Variants in LRRK1 observed in about 807,000 individuals in gnomAD.
LRRK1 encodes the protein leucine-rich repeat serine/threonine-protein kinase 1.
LRRK1 carries 113 observed loss-of-function variants against 209.1 expected under a neutral mutation model. That is an observed-to-expected ratio of 0.54 (90% CI 0.46 to 0.63). The LOEUF is 0.63. Ranked by LOEUF, LRRK1 falls within the 30% of genes least tolerant of loss-of-function variation. LRRK1 has a pLI of 0.00. For synonymous variants in LRRK1, 1,144 were observed against 1,099.7 expected (o/e 1.04, Z -0.80); for missense variants, 2,284 against 2,632.2 (o/e 0.87, Z 2.89).
chr15:101,022,641 C>T lies in LRRK1; in HGVS notation c.2067+44C>T, dbSNP rs1438909911. 2 of 1,378,562 alleles carry T rather than the reference C, an allele frequency of 1.5e-6. No individual in the cohort carries two copies. Among genetic ancestry groups the T allele is most frequent in the South Asian group, 1.2e-5 (1 of 80,974 alleles). 85.4% of individuals were successfully genotyped at this position (1,378,562 alleles called of 1,614,324 possible). A position where few individuals can be genotyped will look rare whatever the true frequency, so the allele number is the denominator to read the frequency against. ...GCAGAGTCCCTGTGGGTGGGAGGAACATCCCTTGGACTCCTTCTCCCTTCT... is the reference window on the plus strand; with the variant it reads ...GCAGAGTCCCTGTGGGTGGGAGGAATATCCCTTGGACTCCTTCTCCCTTCT... On this transcript the variant is annotated intron_variant, in intron 15 of 33. Coordinates refer to ENST00000388948, the MANE Select transcript of LRRK1 (RefSeq NM_024652.6). This position sits in a 1 kb window ranked among gnomAD's most constrained non-coding sequence, Gnocchi z 4.0.
At chr15:101,047,416 G>A (rs377252667) in intron 21 of LRRK1, among the ~76,000 whole-genome samples, 4 of 152,310 alleles carry the variant, frequency 2.6e-5, no homozygotes, top group African/African-American at 4.8e-5. Flanking sequence ...TCTGTGTGCC[G>A]CTGTCTTCTC....
Position 101,075,735 on chromosome 15 carries a change from A to G in LRRK1, c.*6887A>G, listed in dbSNP as rs1425797588. 1 of 151,736 alleles carries G rather than the reference A, an allele frequency of 6.6e-6. No individual in the cohort carries two copies. Among genetic ancestry groups the G allele is most frequent in the Non-Finnish European group, 1.5e-5 (1 of 67,994 alleles). The allele number at this position is 151,736 out of a possible 1,614,324, so 9.4% of individuals were successfully genotyped here. On this transcript the variant is annotated 3_prime_UTR_variant, in exon 34 of 34. Coordinates refer to ENST00000388948, the MANE Select transcript of LRRK1 (RefSeq NM_024652.6). ...CCACCCCATGGTGTCAAACCCATAT[A>G]CTCTCCTATCCTCAATACCTCACTC...
intron 6 of LRRK1, among the ~76,000 whole-genome samples, chr15:100,997,410 C>T (rs2032471194): frequency 6.6e-6 from 1 of 152,106 alleles, no homozygotes; most frequent in South Asian, 2.1e-4. Context: ...CAGTGATGGC[C>T]AGACCTTTGC....
chr15:101,002,929 A>C (rs1190342290), intron 6 of LRRK1, among the ~76,000 whole-genome samples: 1 of 152,148 alleles, frequency 6.6e-6, no homozygotes, highest in Non-Finnish European at 1.5e-5. Flanking sequence ...ACAGGGTTTC[A>C]CCATGTTGTC....
chr15:100,927,469 A>G (rs529518502), intron 2 of LRRK1, among the ~76,000 whole-genome samples: 1 of 152,084 alleles, frequency 6.6e-6, no homozygotes. Flanking sequence ...TGTATAACCC[A>G]AGGGACACAC....
At chr15:100,975,145 G>T (rs904442194) in intron 3 of LRRK1, among the ~76,000 whole-genome samples, 1 of 152,230 alleles carries the variant, frequency 6.6e-6, no homozygotes, top group Non-Finnish European at 1.5e-5. Context: ...AGAGAGCTGC[G>T]CTGTGCACAC....
intron 13 of LRRK1, 70 bp from the exon 14 acceptor site, chr15:101,021,769 TGTGTGC>T (rs932386304): frequency 1.1e-4 from 98 of 867,934 alleles, no homozygotes; most frequent in African/African-American, 1.4e-4. Context: ...AGGAGCCACG[TGTGTGC>T]GTGTGTGTGT....
intron 20 of LRRK1, among the ~76,000 whole-genome samples, chr15:101,038,364 T>C (rs1006269792): frequency 2.0e-5 from 3 of 152,164 alleles, no homozygotes; most frequent in African/African-American, 4.8e-5. Flanking sequence ...CAAAGCCCTA[T>C]TGAAATTAAA....
chr15:101,067,131 G>A, intron 33 of LRRK1: 1 of 400,986 alleles, frequency 2.5e-6, no homozygotes, highest in South Asian at 1.8e-5. Flanking sequence ...CACCCTATGG[G>A]GACAGATGAC....
In LRRK1 at chr15:100,964,055, G is replaced by A. The variant is rs117495175; in HGVS notation, c.98-9749G>A. ...TATCCACAAAATGGTAATCTATGCC[G>A]TGAAGCATTTCTGCAGTGAGAAATG... On this transcript the variant is annotated intron_variant, in intron 2 of 33. Transcript: ENST00000388948. Among the ~76,000 whole-genome samples the A allele has an allele frequency of 4.1e-4, 62 of 152,168 alleles. No homozygotes were observed. In the East Asian group the frequency reaches 0.011, roughly 26 times the overall value.
chr15:100,988,417 C>T (rs78436850), intron 4 of LRRK1, among the ~76,000 whole-genome samples: 8,166 of 152,216 alleles, frequency 0.054, 245 homozygotes, highest in Middle Eastern at 0.075. Flanking sequence ...TCTGTTGTTG[C>T]GTTAGTTCAC....
At chr15:100,926,329 C>T (rs1018145192) in intron 2 of LRRK1, among the ~76,000 whole-genome samples, 7 of 152,070 alleles carry the variant, frequency 4.6e-5, no homozygotes, top group East Asian at 1.9e-4. Flanking sequence ...TTCCAGTGCA[C>T]GTGAGGCTCC....
rs1052448302 is a variant in LRRK1 at position 101,077,831 on chromosome 15, G to A, written c.*8983G>A. 3.9e-5 allele frequency: 6 copies of A among 152,082 alleles called. No homozygotes were observed. Among genetic ancestry groups the A allele is most frequent in the African/African-American group, 7.3e-5 (3 of 41,356 alleles). The allele number at this position is 152,082 out of a possible 1,614,324, so 9.4% of individuals were successfully genotyped here. On this transcript the variant is annotated 3_prime_UTR_variant, in exon 34 of 34. Coordinates refer to ENST00000388948, the MANE Select transcript of LRRK1 (RefSeq NM_024652.6). ...TTTATTTTTCTTATTAATATAAGAA[G>A]GCAGGAATGTCAGGCCTCTGAGCCC...
intron 21 of LRRK1, 54 bp downstream of exon 21, chr15:101,046,206 G>C (rs1389379096): frequency 1.3e-6 from 2 of 1,562,542 alleles, no homozygotes; most frequent in African/African-American, 2.7e-5. Flanking sequence ...ACCTACAGTT[G>C]TACCACTGGG....
chr15:101,010,640 A>T, intron 8 of LRRK1, 34 bp from the exon 9 acceptor site: 2 of 1,570,886 alleles, frequency 1.3e-6, no homozygotes, highest in South Asian at 2.4e-5. Flanking sequence ...TATTTTTACC[A>T]ATTCATACTT....
Position 101,073,793 on chromosome 15 carries a change from T to C in LRRK1, c.*4945T>C, listed in dbSNP as rs2036886556. On this transcript the variant is annotated 3_prime_UTR_variant, in exon 34 of 34. Coordinates refer to ENST00000388948, the MANE Select transcript of LRRK1 (RefSeq NM_024652.6). ...TTTTCTTTAAACTTGCCTCCTTCAC[T>C]GTAGGCAACCTTCCACTCTCCATTC... is the stretch of plus-strand genomic sequence containing the variant. 1 of 152,162 alleles carries C rather than the reference T, an allele frequency of 6.6e-6. No homozygotes were observed. The highest frequency in any genetic ancestry group is 2.1e-4 in the South Asian group (1 of 4,828). 9.4% of individuals were successfully genotyped at this position (152,162 alleles called of 1,614,324 possible).
intron 12 of LRRK1, among the ~76,000 whole-genome samples, chr15:101,018,298 G>A (rs569194319): frequency 1.1e-3 from 173 of 152,094 alleles, no homozygotes; most frequent in African/African-American, 1.8e-3. Flanking sequence ...TTAACCACAC[G>A]AATAGGGAAA....
chr15:100,947,815 A>T (rs1211395380), intron 2 of LRRK1, among the ~76,000 whole-genome samples: 2 of 152,246 alleles, frequency 1.3e-5, no homozygotes, highest in Non-Finnish European at 2.9e-5. Context: ...GAAAAACAAG[A>T]TGCAGAACAT....
chr15:101,030,778 C>T (rs184047356), intron 20 of LRRK1, among the ~76,000 whole-genome samples: 46 of 152,236 alleles, frequency 3.0e-4, no homozygotes, highest in Non-Finnish European at 5.4e-4. Flanking sequence ...AGATTTTTTC[C>T]ATCAGTTATC....
Sources: allele counts gnomAD v4.1 joint callset (sites outside exome capture counted in the v4.1 genomes callset), GRCh38; gene constraint gnomAD v4.1.1; non-coding constraint Gnocchi (gnomAD v3.1); transcripts MANE v1.5; gene names NCBI Gene and HGNC (gene_info 2026-07-23, HGNC 2026-07-21).